Variants in SRRD observed in about 807,000 individuals in gnomAD.
The protein encoded by SRRD is SRR1 domain containing.
A neutral mutation model predicts 30.7 loss-of-function variants in SRRD; 28 were observed. The observed-to-expected ratio is 0.91, with a 90% CI of 0.68 to 1.25. The LOEUF (loss-of-function observed/expected upper bound fraction) is 1.25. Among genes scored for constraint, SRRD ranks in the 50% most tolerant of loss-of-function variants. The probability of loss-of-function intolerance (pLI) is 0.00; values close to 1 mark genes in which losing one functional copy is unlikely to be tolerated. For synonymous variants in SRRD, 161 were observed against 159.6 expected, an observed-to-expected ratio of 1.01 and a Z score of -0.07; for missense variants, 415 against 417.3, an observed-to-expected ratio of 0.99 and a Z score of 0.05.
In SRRD at chr22:26,483,999, AGAGAGGCGGCGCCCCGGGG is replaced by A. The variant is rs777125720; in HGVS notation, c.115_133del (p.Ala39ArgfsTer39). 0.019 allele frequency: 1,033 copies of A among 54,722 alleles called. 27 individuals are homozygous for A. The South Asian group carries it at 0.25, about 13-fold the overall frequency. The allele number at this position is 54,722 out of a possible 1,614,324, so 3.4% of individuals were successfully genotyped here. A position where few individuals can be genotyped will look rare whatever the true frequency, so the allele number is the denominator to read the frequency against. On this transcript the variant is annotated frameshift_variant, in exon 1 of 7. Coordinates refer to ENST00000215917, the MANE Select transcript of SRRD (RefSeq NM_001013694.3). LOFTEE classifies it high-confidence loss of function. ...GCGGAGGGAGGCGGCGCCCCGGGGG[AGAGAGGCGGCGCCCCGGGG>A]GAGAGAGGCGGCGCCCCGGGGCCCC... is the stretch of plus-strand genomic sequence containing the variant.
In SRRD at chr22:26,492,096, T is replaced by C; in HGVS notation, c.*424T>C. ...TGGACAAAGACCACTCCCCGGTCGATGTAGATCACAATGCGGCCAAAGGTG... is the reference window on the plus strand; with the variant it reads ...TGGACAAAGACCACTCCCCGGTCGACGTAGATCACAATGCGGCCAAAGGTG... On this transcript the variant is annotated 3_prime_UTR_variant, in exon 7 of 7. Coordinates refer to ENST00000215917, the MANE Select transcript of SRRD (RefSeq NM_001013694.3). 1 of 1,614,058 alleles carries C rather than the reference T, an allele frequency of 6.2e-7. No individual in the cohort carries two copies. Among genetic ancestry groups the C allele is most frequent in the Non-Finnish European group, 8.5e-7 (1 of 1,179,956 alleles).
intron 2 of SRRD, 68 bp downstream of exon 2, chr22:26,486,131 A>T: frequency 6.3e-7 from 1 of 1,598,946 alleles, no homozygotes; most frequent in Non-Finnish European, 8.6e-7. Context: ...ATTTGAGGAC[A>T]TTTTGCTTCA....
rs532211185 is a variant in SRRD at position 26,491,219 on chromosome 22, T to A, written c.810+149T>A. ...TCCATGGGTCTGTGTTCCAGAAAGC[T>A]ATGACTCTTTAATGCATCTCTTAGT... On this transcript the variant is annotated intron_variant, in intron 6 of 6. Transcript: ENST00000215917. 11 of 844,334 alleles carry A rather than the reference T, an allele frequency of 1.3e-5. No individual in the cohort carries two copies. In the African/African-American group the frequency reaches 1.7e-4, roughly 13 times the overall value. 52.3% of individuals were successfully genotyped at this position (844,334 alleles called of 1,614,324 possible).
chr22:26,488,110 T>A lies in SRRD; in HGVS notation c.332T>A (p.Leu111Gln). Residue 111 changes from leucine to glutamine, a missense_variant, in exon 3 of 7, where the codon CTG becomes CAG. Physicochemically the swap from Leu to Gln is moderately radical, Grantham distance 113 (BLOSUM62 -2). Transcript: ENST00000215917. ...ACTCTTTCAGACATCTTTGGAAACC[T>A]GCATCTTGACTCATTGCCAGAGGAG... The part of the protein sequence containing the change: ...VGTLSDIFGN[L>Q]HLDSLPEESD... 1 of 1,614,182 alleles carries A rather than the reference T, an allele frequency of 6.2e-7. No homozygotes were observed. Among genetic ancestry groups the A allele is most frequent in the South Asian group, 1.1e-5 (1 of 91,086 alleles).
intron 1 of SRRD, among the ~76,000 whole-genome samples, chr22:26,484,541 A>G (rs2091651959): frequency 2.0e-5 from 3 of 152,238 alleles, no homozygotes; most frequent in African/African-American, 7.2e-5. Context: ...TGCTATCATC[A>G]GGCAGCTGCT....
At position 26,485,878 on chromosome 22, in the gene SRRD, A is replaced by G. The variant is rs1398410430; in HGVS notation, c.210-145A>G. 3 of 868,498 alleles carry G rather than the reference A, an allele frequency of 3.5e-6. No individual in the cohort carries two copies. The African/African-American group carries it at 5.0e-5, about 15-fold the overall frequency. The allele number at this position is 868,498 out of a possible 1,614,324, so 53.8% of individuals were successfully genotyped here. ...CTGGCTCTGGACATATTCAACATATATCCCCCTCCTATCACTTGGTAAGGG... is the reference window on the plus strand; with the variant it reads ...CTGGCTCTGGACATATTCAACATATGTCCCCCTCCTATCACTTGGTAAGGG... On this transcript the variant is annotated intron_variant, in intron 1 of 6. Transcript: ENST00000215917.
At chr22:26,488,605 T>G (rs888705872) in intron 4 of SRRD, 117 bp downstream of exon 4, 38 of 766,140 alleles carry the variant, frequency 5.0e-5, no homozygotes, top group African/African-American at 1.7e-5. Flanking sequence ...TCTTACCGCC[T>G]GCTCACTTTT....
Position 26,494,274 on chromosome 22 carries a change from T to A in SRRD, c.*2602T>A, listed in dbSNP as rs1921631414. 6.2e-7 allele frequency: 1 copy of A among 1,614,092 alleles called. No individual in the cohort carries two copies. The highest frequency in any genetic ancestry group is 8.5e-7 in the Non-Finnish European group (1 of 1,180,054). On this transcript the variant is annotated 3_prime_UTR_variant, in exon 7 of 7. Coordinates refer to ENST00000215917, the MANE Select transcript of SRRD (RefSeq NM_001013694.3). ...TACCACTTGGTGATCTCCTCATAATTTGGGCTGTTACTGAGCCAAGAGCAC... is the reference window on the plus strand; with the variant it reads ...TACCACTTGGTGATCTCCTCATAATATGGGCTGTTACTGAGCCAAGAGCAC...
chr22:26,492,376 A>G lies in SRRD; in HGVS notation c.*704A>G. On this transcript the variant is annotated 3_prime_UTR_variant, in exon 7 of 7. Coordinates refer to ENST00000215917, the MANE Select transcript of SRRD (RefSeq NM_001013694.3). ...CTGGCTGCATGTAGGCACCTAAGAT[A>G]CAGGAGGACAGGGCGGTGAGGAGAG... The G allele has an allele frequency of 6.2e-7, 1 of 1,613,158 alleles. No homozygotes were observed. The highest frequency in any genetic ancestry group is 8.5e-7 in the Non-Finnish European group (1 of 1,179,216).
In SRRD at chr22:26,492,048, TG is replaced by T; in HGVS notation, c.*379del. 1 of 1,606,364 alleles carries T rather than the reference TG, an allele frequency of 6.2e-7. No individual in the cohort carries two copies. Among genetic ancestry groups the T allele is most frequent in the Admixed American group, 1.7e-5 (1 of 58,934 alleles). On this transcript the variant is annotated 3_prime_UTR_variant, in exon 7 of 7. Coordinates refer to ENST00000215917, the MANE Select transcript of SRRD (RefSeq NM_001013694.3). Reference sequence around the variant, plus strand: ...ATGTCGATCAGGCTCTGCAGTGAGGTGGGCACCCACGTCTTCTCGCCCTGGA... The same window carrying T: ...ATGTCGATCAGGCTCTGCAGTGAGGTGGCACCCACGTCTTCTCGCCCTGGA...
Position 26,494,552 on chromosome 22 carries a change from T to C in SRRD, c.*2880T>C. ...ATGTCTACACAACAGGGATACCATA[T>C]CCCCTACCCCATAGGGTTGCTGAGA... On this transcript the variant is annotated 3_prime_UTR_variant, in exon 7 of 7. Transcript: ENST00000215917. The C allele has an allele frequency of 1.4e-6, 1 of 697,612 alleles. No individual in the cohort carries two copies. Among genetic ancestry groups the C allele is most frequent in the African/African-American group, 1.8e-5 (1 of 55,776 alleles). 43.2% of individuals were successfully genotyped at this position (697,612 alleles called of 1,614,324 possible). A position where few individuals can be genotyped will look rare whatever the true frequency, so the allele number is the denominator to read the frequency against.
At chr22:26,486,623 C>T (rs188141057) in intron 2 of SRRD, among the ~76,000 whole-genome samples, 5 of 152,332 alleles carry the variant, frequency 3.3e-5, no homozygotes, top group Admixed American at 6.5e-5. Flanking sequence ...GTGATCCTCC[C>T]ACCTACAGCT....
Position 26,488,446 on chromosome 22 carries a change from A to T in SRRD, c.567A>T (p.Glu189Asp). 1 of 1,614,182 alleles carries T rather than the reference A, an allele frequency of 6.2e-7. No individual in the cohort carries two copies. Among genetic ancestry groups the T allele is most frequent in the Non-Finnish European group, 8.5e-7 (1 of 1,180,000 alleles). Reference sequence around the variant, plus strand: ...CTCTGTTTAGCCAACTTGAAATTGAAGTCCTTAACACCCTTGGTGTGACTG... The same window carrying T: ...CTCTGTTTAGCCAACTTGAAATTGATGTCCTTAACACCCTTGGTGTGACTG... ...YDPLFSQLEI[E>D]VLNTLGVTVL... The change falls in exon 4 of 7, where the codon GAA (glutamate) becomes GAT (aspartate). Residue 189 changes from glutamate to aspartate, a missense_variant. Glu to Asp is a conservative substitution (Grantham distance 45). Coordinates refer to ENST00000215917, the MANE Select transcript of SRRD (RefSeq NM_001013694.3).
chr22:26,488,555 C>T, intron 4 of SRRD, 67 bp downstream of exon 4: 1 of 1,198,972 alleles, frequency 8.3e-7, no homozygotes, highest in Non-Finnish European at 1.2e-6. Context: ...CAGGCCCTGC[C>T]TGTGGACACC....
chr22:26,491,983 G>A lies in SRRD; in HGVS notation c.*311G>A, dbSNP rs1569153798. On this transcript the variant is annotated 3_prime_UTR_variant, in exon 7 of 7. Transcript: ENST00000215917. ...TACAGTACATCCCTCTTAGGGGCAA[G>A]TCTCTGACTGGTTCTGGACCTGCCA... is the stretch of plus-strand genomic sequence containing the variant. The A allele has an allele frequency of 1.3e-6, 2 of 1,554,860 alleles. No individual in the cohort carries two copies. The highest frequency in any genetic ancestry group is 2.7e-5 in the African/African-American group (2 of 73,436).
At position 26,494,648 on chromosome 22, in the gene SRRD, C is replaced by G. The variant is rs1295002580; in HGVS notation, c.*2976C>G. The G allele has an allele frequency of 2.7e-5, 30 of 1,101,446 alleles. No individual in the cohort carries two copies. The East Asian group carries it at 7.5e-4, about 28-fold the overall frequency. 68.2% of individuals were successfully genotyped at this position (1,101,446 alleles called of 1,614,324 possible). ...CATGGCAAATGTCCAATAAATGGTGCCCACTATGAAGATGACCTAACTCAT... is the reference window on the plus strand; with the variant it reads ...CATGGCAAATGTCCAATAAATGGTGGCCACTATGAAGATGACCTAACTCAT... On this transcript the variant is annotated 3_prime_UTR_variant, in exon 7 of 7. Transcript: ENST00000215917.
chr22:26,490,977 T>G (rs1325863931), intron 5 of SRRD, 48 bp from the exon 6 acceptor site: 1 of 1,522,834 alleles, frequency 6.6e-7, no homozygotes, highest in Non-Finnish European at 9.0e-7. Flanking sequence ...TCATACCTCC[T>G]AATCATGGTG....
At position 26,483,941 on chromosome 22, in the gene SRRD, G is replaced by A; in HGVS notation, c.51G>A (p.Pro17=). 4 of 1,355,384 alleles carry A rather than the reference G, an allele frequency of 3.0e-6. No homozygotes were observed. The highest frequency in any genetic ancestry group is 3.8e-6 in the Non-Finnish European group (4 of 1,064,972). 84.0% of individuals were successfully genotyped at this position (1,355,384 alleles called of 1,614,324 possible). The change falls in exon 1 of 7, where the codon CCG becomes CCA. Residue 17 remains proline (P), a synonymous_variant. Transcript: ENST00000215917. ...AALESWQAAA[P]RKRRSAARRP... ...TGGAATCCTGGCAGGCGGCGGCTCC[G>A]CGGAAGAGGCGCTCCGCGGCTCGAC...
chr22:26,487,317 CAA>C (rs1461072524), intron 2 of SRRD, among the ~76,000 whole-genome samples: 2 of 152,246 alleles, frequency 1.3e-5, no homozygotes, highest in East Asian at 3.9e-4. Flanking sequence ...AAAGGAGAGA[CAA>C]GAGAACCTAC....
Sources: allele counts gnomAD v4.1 joint callset (sites outside exome capture counted in the v4.1 genomes callset), GRCh38; gene constraint gnomAD v4.1.1; transcripts MANE v1.5; gene names NCBI Gene and HGNC (gene_info 2026-07-23, HGNC 2026-07-21).